CD109: variants seen among roughly 807,000 people sequenced by gnomAD.
CD109 encodes CD109 molecule.
A neutral mutation model predicts 165.8 loss-of-function variants in CD109; 149 were observed. That is an observed-to-expected ratio of 0.90 (90% CI 0.79 to 1.03). The LOEUF is 1.03. Among genes scored for constraint, CD109 ranks in the 50% least tolerant of loss-of-function variants. The pLI, the probability that CD109 is intolerant of heterozygous loss-of-function variation, is 0.00. For missense variants in CD109, 1,712 were observed against 1,677.8 expected (o/e 1.02, Z -0.36); for synonymous variants, 585 against 592.1 (o/e 0.99, Z 0.18).
intron 32 of CD109, among the ~76,000 whole-genome samples, chr6:73,822,105 A>G (rs1435114497): frequency 6.6e-6 from 1 of 152,238 alleles, no homozygotes; most frequent in Non-Finnish European, 1.5e-5. Flanking sequence ...TTATTTGTAT[A>G]AAATGATGGA....
At chr6:73,749,497 A>C (rs1467753997) in intron 5 of CD109, among the ~76,000 whole-genome samples, 4 of 152,176 alleles carry the variant, frequency 2.6e-5, no homozygotes, top group South Asian at 2.1e-4. Context: ...AAAGGTGGGG[A>C]AGTTTGTGGG....
At chr6:73,742,520 G>C (rs1305084547) in intron 5 of CD109, among the ~76,000 whole-genome samples, 2 of 152,224 alleles carry the variant, frequency 1.3e-5, no homozygotes, top group Non-Finnish European at 2.9e-5. Flanking sequence ...GAGCCAGGAG[G>C]CATCTGGCCA....
intron 14 of CD109, 77 bp from the exon 15 acceptor site, chr6:73,771,352 G>C (rs1774026360): frequency 2.7e-6 from 3 of 1,118,460 alleles, no homozygotes; most frequent in Non-Finnish European, 3.9e-6. Flanking sequence ...GCTATATTTT[G>C]GGCCAGTGGT....
In CD109 at chr6:73,762,802, C is replaced by T. The variant is rs745425108; in HGVS notation, c.917C>T (p.Ser306Leu). Residue 306 changes from serine to leucine, a missense_variant, in exon 9 of 33, where the codon TCA becomes TTA. Ser to Leu is a moderately radical substitution (Grantham distance 145). Coordinates refer to ENST00000287097, the MANE Select transcript of CD109 (RefSeq NM_133493.5). ...DEEMKNVMDSSNGLSEYLDLS... is the reference protein window; with the variant it reads ...DEEMKNVMDSLNGLSEYLDLS... The stretch of plus-strand genomic sequence containing the variant: ...GAGATGAAAAATGTAATGGATTCTT[C>T]AAATGGACTTTCTGAATACCTGGAT... 1 of 1,610,786 alleles carries T rather than the reference C, an allele frequency of 6.2e-7. No homozygotes were observed. Among genetic ancestry groups the T allele is most frequent in the East Asian group, 2.2e-5 (1 of 44,748 alleles).
chr6:73,679,399 T>C, the CD109 span, among the ~76,000 whole-genome samples: 8 of 152,030 alleles, frequency 5.3e-5, no homozygotes, highest in Non-Finnish European at 1.0e-4. Context: ...AGAAAAAAGT[T>C]ATATTCCAAA....
intron 17 of CD109, 65 bp from the exon 18 acceptor site, chr6:73,782,549 G>A: frequency 6.8e-7 from 1 of 1,461,342 alleles, no homozygotes; most frequent in Non-Finnish European, 9.5e-7. Flanking sequence ...CATTTTGTAT[G>A]TGGAGTTTAC....
chr6:73,795,899 TG>T (rs1175312395), intron 23 of CD109, among the ~76,000 whole-genome samples: 2 of 152,218 alleles, frequency 1.3e-5, no homozygotes, highest in African/African-American at 4.8e-5. Context: ...GTGGTAGGGT[TG>T]TTTTGAGGAG....
intron 2 of CD109, among the ~76,000 whole-genome samples, chr6:73,709,845 T>C (rs1347997563): frequency 6.6e-6 from 1 of 152,122 alleles, no homozygotes; most frequent in Non-Finnish European, 1.5e-5. Flanking sequence ...AAAAACCACA[T>C]GATTATCTCA....
chr6:73,800,499 C>T (rs1046006528), intron 23 of CD109, among the ~76,000 whole-genome samples: 13 of 152,152 alleles, frequency 8.5e-5, no homozygotes, highest in Non-Finnish European at 1.9e-4. Context: ...AGGGTAAAGA[C>T]ATTCCCCTAC....
chr6:73,714,282 G>A (rs1771642175), intron 2 of CD109, among the ~76,000 whole-genome samples: 3 of 152,198 alleles, frequency 2.0e-5, no homozygotes, highest in African/African-American at 7.2e-5. Flanking sequence ...GTATCAGCTA[G>A]AGAATTGCCT....
chr6:73,732,969 G>T (rs1772417934), intron 4 of CD109, among the ~76,000 whole-genome samples: 1 of 152,070 alleles, frequency 6.6e-6, no homozygotes, highest in Non-Finnish European at 1.5e-5. Context: ...AAAGTGTTTT[G>T]GAACTATGAG....
Position 73,730,361 on chromosome 6 carries a change from A to C in CD109, c.294A>C (p.Ala98=), listed in dbSNP as rs751603848. ...CCCCCCAGCTACCTCTGAACAGTGC[A>C]GATGAGATTTATGAGCTACGTGTAA... ...LTLPSLPLNS[A]DEIYELRVTG... Residue 98 remains alanine, a synonymous_variant, in exon 4 of 33, where the codon GCA becomes GCC. Transcript: ENST00000287097. The C allele has an allele frequency of 1.9e-6, 3 of 1,612,052 alleles. No individual in the cohort carries two copies. Among genetic ancestry groups the C allele is most frequent in the Middle Eastern group, 1.6e-4 (1 of 6,062 alleles).
chr6:73,737,599 C>T (rs56099933), intron 5 of CD109, among the ~76,000 whole-genome samples: 3,305 of 152,298 alleles, frequency 0.022, 115 homozygotes, highest in African/African-American at 0.073. Context: ...TTGCTTATTT[C>T]CTTACTTATA....
chr6:73,725,634 G>A, intron 3 of CD109, among the ~76,000 whole-genome samples: 1 of 148,972 alleles, frequency 6.7e-6, no homozygotes. Context: ...TCAGCCTCCC[G>A]AGTAGCTGGG....
chr6:73,703,142 G>A (rs553990954), intron 2 of CD109, among the ~76,000 whole-genome samples: 3 of 152,318 alleles, frequency 2.0e-5, no homozygotes, highest in Middle Eastern at 3.4e-3. Flanking sequence ...AAATGGTGAA[G>A]CCTGAATTTG....
chr6:73,703,194 A>G (rs770772895), intron 2 of CD109, among the ~76,000 whole-genome samples: 8 of 152,212 alleles, frequency 5.3e-5, no homozygotes, highest in Non-Finnish European at 1.2e-4. Flanking sequence ...AAGGTTTTCT[A>G]TTGCTGGGAA....
At chr6:73,791,684 T>G (rs942904019) in intron 22 of CD109, among the ~76,000 whole-genome samples, 1 of 152,232 alleles carries the variant, frequency 6.6e-6, no homozygotes. Flanking sequence ...TTTAGCTTGC[T>G]TCTTTGAACT....
intron 23 of CD109, among the ~76,000 whole-genome samples, chr6:73,797,069 A>G (rs1370832575): frequency 3.9e-5 from 6 of 152,206 alleles, no homozygotes; most frequent in Admixed American, 3.9e-4. Context: ...TTAAGAAATT[A>G]AAGTGGCTTC....
the CD109 span, among the ~76,000 whole-genome samples, chr6:73,681,619 T>G: frequency 5.9e-4 from 90 of 151,892 alleles, no homozygotes; most frequent in Middle Eastern, 3.4e-3. Flanking sequence ...TTTTTTTTTT[T>G]GAAATGGAGT....
Sources: allele counts gnomAD v4.1 joint callset (sites outside exome capture counted in the v4.1 genomes callset), GRCh38; gene constraint gnomAD v4.1.1; transcripts MANE v1.5; gene names NCBI Gene and HGNC (gene_info 2026-07-23, HGNC 2026-07-21).